ACACB: variants seen among roughly 807,000 people sequenced by gnomAD.
The protein encoded by ACACB is acetyl-CoA carboxylase beta, also known as acetyl-CoA carboxylase 2.
In ACACB, 209 loss-of-function variants were observed where a neutral mutation model predicts 278.8. The ratio of observed to expected loss-of-function variants is 0.75; its 90% CI spans 0.67 to 0.84. The LOEUF is 0.84. Ranked by LOEUF, ACACB falls within the 40% of genes least tolerant of loss-of-function variation. ACACB has a pLI of 0.00. For missense variants in ACACB, 2,850 were observed against 3,269.0 expected (o/e 0.87, Z 3.13); for synonymous variants, 1,174 against 1,285.6 (o/e 0.91, Z 1.86).
intron 1 of ACACB, among the ~76,000 whole-genome samples, chr12:109,137,349 T>C (rs930809227): frequency 6.6e-6 from 1 of 152,174 alleles, no homozygotes; most frequent in African/African-American, 2.4e-5. Context: ...AAAAACATTG[T>C]GTTGAAATTT....
At position 109,212,735 on chromosome 12, in the gene ACACB, C is replaced by T. The variant is rs373988518; in HGVS notation, c.3250-101C>T. The T allele has an allele frequency of 9.8e-6, 9 of 921,454 alleles. No individual in the cohort carries two copies. In the African/African-American group the frequency reaches 9.8e-5, roughly 10 times the overall value. 57.1% of individuals were successfully genotyped at this position (921,454 alleles called of 1,614,324 possible). On this transcript the variant is annotated intron_variant, in intron 21 of 52. Coordinates refer to ENST00000338432, the MANE Select transcript of ACACB (RefSeq NM_001093.4). ...AGCCAGTTCCTAACAGGCCACGGAC[C>T]AGTGCTCGTTTGGGTACTGGTTTGG...
intron 35 of ACACB, among the ~76,000 whole-genome samples, chr12:109,240,347 C>T (rs1258995149): frequency 6.6e-6 from 1 of 151,978 alleles, no homozygotes; most frequent in African/African-American, 2.4e-5. Context: ...TGGCTCTTCA[C>T]GAGCAGACAG....
chr12:109,202,451 G>A (rs1478351667), intron 19 of ACACB, among the ~76,000 whole-genome samples: 1 of 151,920 alleles, frequency 6.6e-6, no homozygotes, highest in Non-Finnish European at 1.5e-5. Context: ...AGTAGCTGGG[G>A]ATTATAGGTG....
intron 4 of ACACB, 110 bp downstream of exon 4, chr12:109,168,144 C>G: frequency 8.5e-7 from 1 of 1,183,362 alleles, no homozygotes; most frequent in Non-Finnish European, 1.2e-6. Context: ...GTCAGGACCT[C>G]TCATGAGTCT....
chr12:109,197,103 C>T lies in ACACB; in HGVS notation c.2577C>T (p.Leu859=), dbSNP rs781722279. The T allele has an allele frequency of 1.6e-5, 25 of 1,602,974 alleles. No individual in the cohort carries two copies. The highest frequency in any genetic ancestry group is 2.0e-5 in the Non-Finnish European group (24 of 1,175,694). ...AHRLNDGGLL[L]SYNGNSYTTY... is the part of the protein sequence containing the mutation. Reference sequence around the variant, plus strand: ...GGCTGAATGATGGGGGGCTCCTGCTCTCCTACAATGGGAACAGCTACACCA... The same window carrying T: ...GGCTGAATGATGGGGGGCTCCTGCTTTCCTACAATGGGAACAGCTACACCA... Residue 859 remains leucine (L), a synonymous_variant, in exon 17 of 53, where the codon CTC becomes CTT. Coordinates refer to ENST00000338432, the MANE Select transcript of ACACB (RefSeq NM_001093.4).
chr12:109,133,965 C>G (rs1361948864), intron 1 of ACACB, among the ~76,000 whole-genome samples: 1 of 147,360 alleles, frequency 6.8e-6, no homozygotes, highest in African/African-American at 2.5e-5. Flanking sequence ...GTTGCCCAGG[C>G]TGGAGTGCAT....
At chr12:109,171,952 G>A (rs368597713) in intron 5 of ACACB, 38 bp downstream of exon 5, 1 of 1,512,530 alleles carries the variant, frequency 6.6e-7, no homozygotes. Flanking sequence ...GCCCCTGAGT[G>A]TGGGATGATG....
At chr12:109,246,032 A>G (rs572186993) in intron 38 of ACACB, 147 bp from the exon 39 acceptor site, 15 of 1,010,476 alleles carry the variant, frequency 1.5e-5, no homozygotes, top group Admixed American at 8.8e-5. Context: ...TGAGGCTGCA[A>G]TGAGCTGTGA....
chr12:109,167,621 G>A (rs1654880), intron 3 of ACACB, among the ~76,000 whole-genome samples: 7 of 77,522 alleles, frequency 9.0e-5, no homozygotes, highest in African/African-American at 3.0e-4. Context: ...ATATGTATGT[G>A]TATATATATA....
rs1287459385 is a variant in ACACB at position 109,191,620 on chromosome 12, G to T, written c.2152G>T (p.Val718Leu). ...ENREEAISNMVVALKELSIRG... is the reference protein window; with the variant it reads ...ENREEAISNMLVALKELSIRG... ...TGTGCCTTTCCCTTCAAGGAACATG[G>T]TGGTGGCTTTGAAGGAACTGTCCAT... is the stretch of plus-strand genomic sequence containing the variant. The change falls in exon 14 of 53, where the codon GTG (valine) becomes TTG (leucine). Residue 718 changes from valine (V) to leucine (L), a missense_variant. Val to Leu is a conservative substitution (Grantham distance 32). Coordinates refer to ENST00000338432, the MANE Select transcript of ACACB (RefSeq NM_001093.4). The T allele has an allele frequency of 6.2e-7, 1 of 1,614,154 alleles. No homozygotes were observed. The highest frequency in any genetic ancestry group is 8.5e-7 in the Non-Finnish European group (1 of 1,180,020).
Position 109,258,264 on chromosome 12 carries a change from C to G in ACACB, c.6264-4C>G, listed in dbSNP as rs370556802. ...GGCCTGGCTCACTGGTGCTCATTTT[C>G]CAGGCTTGGGGGGATTCCCGTGGGA... On this transcript the variant is annotated splice_region_variant and splice_polypyrimidine_tract_variant and intron_variant, in intron 45 of 52. Transcript: ENST00000338432. 2 of 1,610,630 alleles carry G rather than the reference C, an allele frequency of 1.2e-6. No homozygotes were observed. The highest frequency in any genetic ancestry group is 1.7e-5 in the Admixed American group (1 of 59,564).
chr12:109,249,382 C>T (rs1050911552), intron 40 of ACACB: 3 of 152,198 alleles, frequency 2.0e-5, no homozygotes, highest in African/African-American at 7.2e-5. Context: ...ACTAAAGAAA[C>T]AAAAGGAAAG....
intron 27 of ACACB, among the ~76,000 whole-genome samples, chr12:109,224,381 G>A (rs142446256): frequency 6.6e-6 from 1 of 151,762 alleles, no homozygotes; most frequent in African/African-American, 2.4e-5. Flanking sequence ...GAGTGATGAG[G>A]TAGAAGGGCG....
At chr12:109,189,490 G>A (rs940984170) in intron 13 of ACACB, among the ~76,000 whole-genome samples, 1 of 152,128 alleles carries the variant, frequency 6.6e-6, no homozygotes, top group Non-Finnish European at 1.5e-5. Flanking sequence ...AGAACTCACA[G>A]GCAGAAATTC....
At chr12:109,201,821 A>G (rs2045343065) in intron 19 of ACACB, 120 bp downstream of exon 19, 1 of 1,370,464 alleles carries the variant, frequency 7.3e-7, no homozygotes, top group Non-Finnish European at 9.8e-7. Flanking sequence ...ACCTGCAGAC[A>G]GAGCTCGTCG....
rs2043968952 is a variant in ACACB, at chr12:109,167,800, G to A, written c.787-96G>A. On this transcript the variant is annotated intron_variant, in intron 3 of 52. Transcript: ENST00000338432. ...GGAATGATGTGCTGCGGGGGCTGCA[G>A]GAGGCTCTGCAGCTGTGAGGTGGAC... 3.2e-6 allele frequency: 5 copies of A among 1,583,012 alleles called. No homozygotes were observed. In the Admixed American group the frequency reaches 8.5e-5, roughly 27 times the overall value.
At position 109,171,792 on chromosome 12, in the gene ACACB, C is replaced by T. The variant is rs777069224; in HGVS notation, c.926-13C>T. On this transcript the variant is annotated splice_polypyrimidine_tract_variant and intron_variant, in intron 4 of 52. Transcript: ENST00000338432. ...TCAGCAGTTCCTTCCTTCTCCCTCCCATTTAATTTCAGAGTACATCAAGAT... is the reference window on the plus strand; with the variant it reads ...TCAGCAGTTCCTTCCTTCTCCCTCCTATTTAATTTCAGAGTACATCAAGAT... 3 of 1,600,746 alleles carry T rather than the reference C, an allele frequency of 1.9e-6. No individual in the cohort carries two copies. Among genetic ancestry groups the T allele is most frequent in the Non-Finnish European group, 2.6e-6 (3 of 1,167,962 alleles).
intron 6 of ACACB, among the ~76,000 whole-genome samples, chr12:109,173,343 T>C (rs957340039): frequency 4.6e-5 from 7 of 152,232 alleles, no homozygotes; most frequent in Non-Finnish European, 1.5e-5. Flanking sequence ...TTTACTATCA[T>C]GTAATAAATC....
intron 21 of ACACB, among the ~76,000 whole-genome samples, chr12:109,210,299 G>A (rs867475686): frequency 0.013 from 1,120 of 83,928 alleles, 222 homozygotes; most frequent in African/African-American, 0.061. Context: ...GTGTGTATAT[G>A]TATATATACA....
Sources: allele counts gnomAD v4.1 joint callset (sites outside exome capture counted in the v4.1 genomes callset), GRCh38; gene constraint gnomAD v4.1.1; transcripts MANE v1.5; gene names NCBI Gene and HGNC (gene_info 2026-07-23, HGNC 2026-07-21).